DLG2: variants seen among roughly 807,000 people sequenced by gnomAD.
DLG2 encodes disks large homolog 2.
A neutral mutation model predicts 132.5 loss-of-function variants in DLG2; 45 were observed. That is an observed-to-expected ratio of 0.34 (90% CI 0.27 to 0.44). DLG2 has a LOEUF of 0.44. DLG2 is among the 20% of genes least tolerant of loss of function. The pLI, the probability that DLG2 is intolerant of heterozygous loss-of-function variation, is 1.00. For synonymous variants in DLG2, 424 were observed against 419.6 expected, an observed-to-expected ratio of 1.01 and a Z score of -0.13; for missense variants, 1,045 against 1,196.9, an observed-to-expected ratio of 0.87 and a Z score of 1.87.
intron 18 of DLG2, among the ~76,000 whole-genome samples, chr11:83,658,784 C>T (rs1380940422): frequency 6.6e-6 from 1 of 152,172 alleles, no homozygotes; most frequent in African/African-American, 2.4e-5. Flanking sequence ...AGAAGTTTAC[C>T]ACTTCTCTAG....
At chr11:85,067,989 G>A (rs571313102) in intron 6 of DLG2, among the ~76,000 whole-genome samples, 56 of 152,192 alleles carry the variant, frequency 3.7e-4, no homozygotes, top group Non-Finnish European at 6.9e-4. Flanking sequence ...ACGCAAGGCT[G>A]TTTCAACATA....
chr11:83,607,652 A>T (rs969750216), intron 19 of DLG2, among the ~76,000 whole-genome samples: 2 of 152,238 alleles, frequency 1.3e-5, no homozygotes, highest in Admixed American at 1.3e-4. Flanking sequence ...TTTAAAAAAG[A>T]TTTCTTCAAG....
intron 6 of DLG2, among the ~76,000 whole-genome samples, chr11:84,872,049 T>C (rs945838838): frequency 6.6e-6 from 1 of 152,226 alleles, no homozygotes; most frequent in Non-Finnish European, 1.5e-5. Context: ...GTTTATATCC[T>C]ATCTAATTCC....
intron 15 of DLG2, among the ~76,000 whole-genome samples, chr11:83,889,892 T>C (rs1194710084): frequency 5.8e-5 from 8 of 138,068 alleles, no homozygotes; most frequent in Non-Finnish European, 9.0e-5. Flanking sequence ...TTCTCACTCA[T>C]AGATGGGAAT....
chr11:85,468,716 A>T (rs527636625), intron 3 of DLG2, among the ~76,000 whole-genome samples: 17 of 152,260 alleles, frequency 1.1e-4, no homozygotes, highest in South Asian at 8.3e-4. Context: ...TTTGCTGAGG[A>T]GTGCTTTACT....
chr11:85,262,344 A>G (rs1365189169), intron 4 of DLG2, among the ~76,000 whole-genome samples: 2 of 152,238 alleles, frequency 1.3e-5, no homozygotes, highest in Non-Finnish European at 2.9e-5. Context: ...GAATGTAACA[A>G]AAGCCCACCA....
intron 21 of DLG2, among the ~76,000 whole-genome samples, chr11:83,529,223 G>C (rs1286141332): frequency 6.6e-6 from 1 of 152,128 alleles, no homozygotes; most frequent in Non-Finnish European, 1.5e-5. Flanking sequence ...CAAGGTCCCA[G>C]AGAATGAGGC....
intron 6 of DLG2, among the ~76,000 whole-genome samples, chr11:84,639,096 G>A (rs1298366610): frequency 6.6e-6 from 1 of 152,152 alleles, no homozygotes; most frequent in Non-Finnish European, 1.5e-5. Context: ...ATTTTATCAA[G>A]TATGTTATGA....
intron 3 of DLG2, among the ~76,000 whole-genome samples, chr11:85,494,559 G>A (rs1262865372): frequency 6.6e-6 from 1 of 151,128 alleles, no homozygotes; most frequent in Non-Finnish European, 1.5e-5. Flanking sequence ...TTAAAAGTAA[G>A]ACAGTCTCCT....
Position 83,814,514 on chromosome 11 carries a change from C to A in DLG2, c.1722+19100G>T, listed in dbSNP as rs115248110. On this transcript the variant is annotated intron_variant, in intron 17 of 27. Coordinates refer to ENST00000376104, the MANE Select transcript of DLG2 (RefSeq NM_001142699.3). ...GTTTCTGTGCTCCTTTACAAATGGG[C>A]CACATCTTCAAGGGTCAGCTTTACC... 2,054 of 210,556 alleles carry A rather than the reference C, an allele frequency of 9.8e-3. 54 individuals carry two copies. Among genetic ancestry groups the A allele is most frequent in the African/African-American group, 0.045 (1,931 of 43,386 alleles). The allele number at this position is 210,556 out of a possible 1,614,324, so 13.0% of individuals were successfully genotyped here. A position where few individuals can be genotyped will look rare whatever the true frequency, so the allele number is the denominator to read the frequency against.
rs142595831 is a variant in DLG2, at chr11:83,958,656, C to T, written c.1340+4229G>A. On this transcript the variant is annotated intron_variant, in intron 14 of 27. Coordinates refer to ENST00000376104, the MANE Select transcript of DLG2 (RefSeq NM_001142699.3). ...ACTGTTTGCATATCCTAAGTATTTT[C>T]AGCCAGATAGTGATGATGTGTGGTT... Among the ~76,000 whole-genome samples, 70 of 152,180 alleles carry T rather than the reference C, an allele frequency of 4.6e-4. 1 individual carries two copies. The highest frequency in any genetic ancestry group is 1.5e-3 in the African/African-American group (62 of 41,526).
chr11:83,570,832 A>G (rs968224237), intron 19 of DLG2, among the ~76,000 whole-genome samples: 1 of 152,108 alleles, frequency 6.6e-6, no homozygotes, highest in Non-Finnish European at 1.5e-5. Context: ...TAAAGGAGGA[A>G]AAGGGTATAG....
intron 6 of DLG2, among the ~76,000 whole-genome samples, chr11:84,590,475 C>G (rs1384404945): frequency 6.6e-6 from 1 of 152,118 alleles, no homozygotes; most frequent in African/African-American, 2.4e-5. Flanking sequence ...TAGGCAGGCA[C>G]TCAATAAACA....
chr11:84,347,431 C>T (rs1239431073), intron 7 of DLG2, among the ~76,000 whole-genome samples: 1 of 152,124 alleles, frequency 6.6e-6, no homozygotes, highest in Admixed American at 6.5e-5. Context: ...TTGGTTTACC[C>T]TCTAGAGGGA....
chr11:85,154,133 G>GAGA (rs1237738376), intron 5 of DLG2, among the ~76,000 whole-genome samples: 1 of 47,292 alleles, frequency 2.1e-5, no homozygotes, highest in Non-Finnish European at 4.3e-5. Context: ...TCTTCTTTTG[G>GAGA]AGAAAAAAAA....
At position 84,456,357 on chromosome 11, in the gene DLG2, T is replaced by C. The variant is rs141564531; in HGVS notation, c.519+78213A>G. Among the ~76,000 whole-genome samples the C allele has an allele frequency of 1.3e-4, 20 of 151,458 alleles. No individual in the cohort carries two copies. In the East Asian group the frequency reaches 2.3e-3, roughly 18 times the overall value. On this transcript the variant is annotated intron_variant, in intron 7 of 27. Coordinates refer to ENST00000376104, the MANE Select transcript of DLG2 (RefSeq NM_001142699.3). ...TGTGTTTCTTTTTCTACAAATGTTC[T>C]AGGAGCCTATCTCATATAATTCCCA...
intron 21 of DLG2, among the ~76,000 whole-genome samples, chr11:83,512,693 C>G (rs988406250): frequency 1.3e-5 from 2 of 151,996 alleles, no homozygotes; most frequent in African/African-American, 4.8e-5. Context: ...TCCCCCCACC[C>G]CACAACAGGC....
At chr11:83,922,175 A>C (rs987846035) in intron 15 of DLG2, among the ~76,000 whole-genome samples, 1 of 152,194 alleles carries the variant, frequency 6.6e-6, no homozygotes, top group African/African-American at 2.4e-5. Flanking sequence ...GTGAGGGACA[A>C]CAATGAATGC....
chr11:85,118,264 C>T (rs1234782478), intron 5 of DLG2, among the ~76,000 whole-genome samples: 5 of 152,046 alleles, frequency 3.3e-5, no homozygotes, highest in Non-Finnish European at 7.4e-5. Context: ...ATGCTGCTGA[C>T]CTATTCTCCA....
Sources: gnomAD v4.1 joint callset for allele counts (sites outside exome capture counted in the v4.1 genomes callset) on GRCh38, gnomAD v4.1.1 for gene constraint, MANE v1.5 for transcripts, NCBI Gene and HGNC (gene_info 2026-07-23, HGNC 2026-07-21) for gene names.